The following TAFA2 variants were observed in gnomAD, a reference collection of about 807,000 sequenced individuals.
TAFA2 encodes the protein chemokine-like protein TAFA-2.
In TAFA2, 7 loss-of-function variants were observed where a neutral mutation model predicts 18.8. The observed-to-expected ratio is 0.37, with a 90% CI of 0.21 to 0.70. The LOEUF is 0.70. Among genes scored for constraint, TAFA2 ranks in the 30% least tolerant of loss-of-function variants. The pLI is 0.53. For synonymous variants in TAFA2, 60 were observed against 54.2 expected (o/e 1.11, Z -0.47); for missense variants, 122 against 158.1 (o/e 0.77, Z 1.23).
intron 1 of TAFA2, among the ~76,000 whole-genome samples, chr12:61,890,015 G>T (rs1875558015): frequency 6.6e-6 from 1 of 152,126 alleles, no homozygotes; most frequent in East Asian, 1.9e-4. Context: ...AATCCAAAAT[G>T]AACACCAAAA....
intron 2 of TAFA2, among the ~76,000 whole-genome samples, chr12:61,838,914 C>T (rs1433405133): frequency 6.6e-6 from 1 of 152,008 alleles, no homozygotes; most frequent in Non-Finnish European, 1.5e-5. Context: ...ACCAGGGATG[C>T]TACCAAAATC....
chr12:61,905,240 G>T (rs1876294098), intron 1 of TAFA2, among the ~76,000 whole-genome samples: 1 of 152,016 alleles, frequency 6.6e-6, no homozygotes, highest in Non-Finnish European at 1.5e-5. Context: ...TCTTCTCACA[G>T]CATAAGAGAT....
At chr12:61,914,029 T>C (rs1876717224) in intron 1 of TAFA2, among the ~76,000 whole-genome samples, 1 of 152,182 alleles carries the variant, frequency 6.6e-6, no homozygotes. Context: ...TATATTGCCA[T>C]ACCGACACCA....
chr12:61,959,247 T>C (rs1378341222), intron 1 of TAFA2, among the ~76,000 whole-genome samples: 4 of 152,052 alleles, frequency 2.6e-5, no homozygotes. Context: ...TAAATATATA[T>C]GTTAATTTGG....
intron 1 of TAFA2, among the ~76,000 whole-genome samples, chr12:62,010,275 G>A (rs1369162912): frequency 6.6e-6 from 1 of 151,520 alleles, no homozygotes; most frequent in Admixed American, 6.6e-5. Context: ...GGCTCCCGTG[G>A]TTCTCCTGCC....
At chr12:62,024,542 A>C (rs1179272672) in intron 1 of TAFA2, among the ~76,000 whole-genome samples, 1 of 152,170 alleles carries the variant, frequency 6.6e-6, no homozygotes, top group African/African-American at 2.4e-5. Context: ...CAATTTGGAC[A>C]TTGGCCTTGG....
At chr12:62,008,073 G>C (rs982615156) in intron 1 of TAFA2, among the ~76,000 whole-genome samples, 1 of 152,054 alleles carries the variant, frequency 6.6e-6, no homozygotes, top group Non-Finnish European at 1.5e-5. Flanking sequence ...AGATCATATG[G>C]TATGTGTCCT....
chr12:61,966,904 C>T (rs186944125), intron 1 of TAFA2, among the ~76,000 whole-genome samples: 96 of 151,888 alleles, frequency 6.3e-4, no homozygotes, highest in Admixed American at 3.3e-3. Context: ...TTGTGTTTTG[C>T]CAGTCAATGA....
chr12:61,981,099 C>A (rs1162784545), intron 1 of TAFA2, among the ~76,000 whole-genome samples: 1 of 151,866 alleles, frequency 6.6e-6, no homozygotes, highest in East Asian at 1.9e-4. Flanking sequence ...GGTACTTGTA[C>A]CAAAATAGAT....
At chr12:62,250,224 A>G (rs541350098) in intron 1 of TAFA2, among the ~76,000 whole-genome samples, 3 of 152,260 alleles carry the variant, frequency 2.0e-5, no homozygotes, top group Non-Finnish European at 4.4e-5. Context: ...GTTAACAGTA[A>G]TTTTCCCCTT....
At chr12:61,968,006 A>G (rs919789497) in intron 1 of TAFA2, among the ~76,000 whole-genome samples, 4 of 151,742 alleles carry the variant, frequency 2.6e-5, no homozygotes, top group Admixed American at 1.3e-4. Context: ...TTTTGGTTCA[A>G]TGGGTATTCA....
Position 61,710,384 on chromosome 12 carries a change from G to T in TAFA2, c.*22C>A. 6.2e-7 allele frequency: 1 copy of T among 1,607,734 alleles called. No individual in the cohort carries two copies. The highest frequency in any genetic ancestry group is 8.5e-7 in the Non-Finnish European group (1 of 1,174,528). ...GCATGTTCAATGTCATCAGCCTTGA[G>T]GATCACTTGATTTCTCCTGGGTTAA... is the stretch of plus-strand genomic sequence containing the variant. On this transcript the variant is annotated 3_prime_UTR_variant, in exon 5 of 5. Coordinates refer to ENST00000416284, the MANE Select transcript of TAFA2 (RefSeq NM_178539.5).
chr12:61,873,206 C>A (rs1874695421), intron 1 of TAFA2, among the ~76,000 whole-genome samples: 1 of 151,890 alleles, frequency 6.6e-6, no homozygotes, highest in Non-Finnish European at 1.5e-5. Flanking sequence ...ATTGGTGGAG[C>A]AATAGAAGTG....
chr12:62,150,726 A>T (rs1372291876), intron 1 of TAFA2, among the ~76,000 whole-genome samples: 1 of 152,044 alleles, frequency 6.6e-6, no homozygotes, highest in Non-Finnish European at 1.5e-5. Flanking sequence ...AACATGGTGA[A>T]ACCCCATCTC....
chr12:61,731,330 G>A lies in TAFA2; in HGVS notation c.385-20913C>T, dbSNP rs141994177. Among the ~76,000 whole-genome samples, 789 of 152,134 alleles carry A rather than the reference G, an allele frequency of 5.2e-3. 3 individuals carry two copies. The highest frequency in any genetic ancestry group is 0.014 in the Middle Eastern group (4 of 294). ...TGAATTCTTTTGTTTTTTCTGGTACGTTCCTGTGGTGGTTCTTGAAGCAAA... is the reference window on the plus strand; with the variant it reads ...TGAATTCTTTTGTTTTTTCTGGTACATTCCTGTGGTGGTTCTTGAAGCAAA... On this transcript the variant is annotated intron_variant, in intron 4 of 4. Coordinates refer to ENST00000416284, the MANE Select transcript of TAFA2 (RefSeq NM_178539.5).
chr12:61,845,601 A>C (rs1873370910), intron 2 of TAFA2, among the ~76,000 whole-genome samples: 1 of 152,180 alleles, frequency 6.6e-6, no homozygotes, highest in Admixed American at 6.5e-5. Flanking sequence ...CTTTGAGAGA[A>C]GTTCAGATTT....
intron 1 of TAFA2, among the ~76,000 whole-genome samples, chr12:61,870,277 C>T (rs183458071): frequency 4.1e-4 from 62 of 152,314 alleles, no homozygotes; most frequent in African/African-American, 1.3e-3. Context: ...TACTGCAACA[C>T]TGCAATACAG....
chr12:61,831,030 T>C (rs724986), intron 2 of TAFA2, among the ~76,000 whole-genome samples: 43,985 of 152,018 alleles, frequency 0.29, 6,937 homozygotes, highest in South Asian at 0.4. Context: ...TGTCAGAACA[T>C]TGTCTTTGTA....
intron 1 of TAFA2, among the ~76,000 whole-genome samples, chr12:62,135,141 A>C (rs1211151296): frequency 2.0e-5 from 3 of 152,080 alleles, no homozygotes; most frequent in African/African-American, 4.8e-5. Flanking sequence ...GGAGTCAAGG[A>C]CTGTGTCTTA....
Sources: allele counts gnomAD v4.1 joint callset (sites outside exome capture counted in the v4.1 genomes callset), GRCh38; gene constraint gnomAD v4.1.1; transcripts MANE v1.5; gene names NCBI Gene and HGNC (gene_info 2026-07-23, HGNC 2026-07-21).